Variants in PDE3A observed in about 807,000 individuals in gnomAD.
PDE3A encodes phosphodiesterase 3A, also known as cGMP-inhibited 3',5'-cyclic phosphodiesterase 3A.
In PDE3A, 43 loss-of-function variants were observed where a neutral mutation model predicts 98.3. That is an observed-to-expected ratio of 0.44 (90% CI 0.34 to 0.56). The LOEUF (loss-of-function observed/expected upper bound fraction) is 0.56, where lower values mean the gene tolerates loss of function less well. Ranked by LOEUF, PDE3A falls within the 20% of genes least tolerant of loss-of-function variation. PDE3A has a pLI of 0.01. For synonymous variants in PDE3A, 663 were observed against 567.9 expected, an observed-to-expected ratio of 1.17 and a Z score of -2.38; for missense variants, 1,427 against 1,440.7, an observed-to-expected ratio of 0.99 and a Z score of 0.15.
chr12:20,386,016 AAAAT>A (rs1943757848), intron 1 of PDE3A, among the ~76,000 whole-genome samples: 1 of 86,214 alleles, frequency 1.2e-5, no homozygotes, highest in African/African-American at 4.6e-5. Context: ...AAATATATAT[AAAAT>A]ATATATATAA....
intron 1 of PDE3A, among the ~76,000 whole-genome samples, chr12:20,420,459 A>G (rs1944493703): frequency 6.6e-6 from 1 of 152,158 alleles, no homozygotes; most frequent in Non-Finnish European, 1.5e-5. Context: ...CCCTGGAATA[A>G]GCTAGCATCC....
At chr12:20,653,850 C>A in intron 14 of PDE3A, 97 bp from the exon 15 acceptor site, 1 of 1,258,898 alleles carries the variant, frequency 7.9e-7, no homozygotes, top group Non-Finnish European at 1.1e-6. Flanking sequence ...CTTTAGCTGT[C>A]AAGTAAAGAA....
chr12:20,682,580 A>G lies in PDE3A; in HGVS notation c.*2309A>G, dbSNP rs901814891. ...AAAATATATTTCAGTATATTTCTGA[A>G]TTAACACCAGGTCTTCATTATTTAG... On this transcript the variant is annotated 3_prime_UTR_variant, in exon 16 of 16. Transcript: ENST00000359062. The G allele has an allele frequency of 5.3e-5, 8 of 152,192 alleles. No individual in the cohort carries two copies. Among genetic ancestry groups the G allele is most frequent in the African/African-American group, 1.9e-4 (8 of 41,438 alleles). The allele number at this position is 152,192 out of a possible 1,614,324, so 9.4% of individuals were successfully genotyped here.
At chr12:20,483,478 G>A (rs992884767) in intron 1 of PDE3A, among the ~76,000 whole-genome samples, 8 of 152,224 alleles carry the variant, frequency 5.3e-5, no homozygotes, top group East Asian at 3.9e-4. Context: ...AAAAAATCAC[G>A]CTCATTCATG....
chr12:20,489,849 C>T (rs1945799629), intron 1 of PDE3A, among the ~76,000 whole-genome samples: 1 of 152,062 alleles, frequency 6.6e-6, no homozygotes, highest in Admixed American at 6.6e-5. Flanking sequence ...CTGAATTTTT[C>T]CCACATGTTT....
At chr12:20,508,831 T>A (rs957352950) in intron 1 of PDE3A, among the ~76,000 whole-genome samples, 10 of 151,232 alleles carry the variant, frequency 6.6e-5, no homozygotes, top group Non-Finnish European at 1.3e-4. Context: ...AAAATCTGGG[T>A]TTCTGGGTTT....
intron 1 of PDE3A, among the ~76,000 whole-genome samples, chr12:20,425,479 G>T (rs989335906): frequency 6.6e-6 from 1 of 152,058 alleles, no homozygotes; most frequent in Non-Finnish European, 1.5e-5. Context: ...ATTTATGTAT[G>T]CATTTTTGTA....
intron 2 of PDE3A, among the ~76,000 whole-genome samples, chr12:20,599,024 A>C (rs191346316): frequency 6.6e-6 from 1 of 152,268 alleles, no homozygotes; most frequent in East Asian, 1.9e-4. Context: ...ATAGAATTAG[A>C]AATCTTTGTC....
intron 15 of PDE3A, among the ~76,000 whole-genome samples, chr12:20,675,938 CTA>C (rs1945626383): frequency 6.6e-6 from 1 of 152,172 alleles, no homozygotes; most frequent in Non-Finnish European, 1.5e-5. Flanking sequence ...TTCACCCATT[CTA>C]TGTCTTGTGA....
chr12:20,604,734 G>GTAAT (rs536453263), intron 2 of PDE3A, among the ~76,000 whole-genome samples: 92 of 152,226 alleles, frequency 6.0e-4, no homozygotes, highest in African/African-American at 2.2e-3. Context: ...TATAATTCTA[G>GTAAT]TAATATATTT....
At chr12:20,488,490 G>A (rs559957954) in intron 1 of PDE3A, among the ~76,000 whole-genome samples, 2 of 152,106 alleles carry the variant, frequency 1.3e-5, no homozygotes, top group African/African-American at 4.8e-5. Flanking sequence ...CTCTCTTTAA[G>A]TGAACAAGCT....
In PDE3A at chr12:20,682,263, C is replaced by G. The variant is rs1945807477; in HGVS notation, c.*1992C>G. 6.6e-6 allele frequency: 1 copy of G among 152,118 alleles called. No homozygotes were observed. The highest frequency in any genetic ancestry group is 2.4e-5 in the African/African-American group (1 of 41,436). 9.4% of individuals were successfully genotyped at this position (152,118 alleles called of 1,614,324 possible). On this transcript the variant is annotated 3_prime_UTR_variant, in exon 16 of 16. Coordinates refer to ENST00000359062, the MANE Select transcript of PDE3A (RefSeq NM_000921.5). ...CTTCCTTGAGTACTTATATACAGAC[C>G]TGCTCATTATCTAAACAATCTTACC...
chr12:20,628,427 C>T (rs576324277), intron 5 of PDE3A, among the ~76,000 whole-genome samples: 6 of 152,252 alleles, frequency 3.9e-5, no homozygotes, highest in African/African-American at 1.4e-4. Flanking sequence ...AATGCAAACG[C>T]TGCCTAATAC....
intron 2 of PDE3A, among the ~76,000 whole-genome samples, chr12:20,593,066 T>A (rs1348926938): frequency 6.6e-6 from 1 of 152,162 alleles, no homozygotes; most frequent in Non-Finnish European, 1.5e-5. Context: ...TCATAATAGA[T>A]GTTGAACAAA....
intron 2 of PDE3A, among the ~76,000 whole-genome samples, chr12:20,583,778 A>G (rs1328085566): frequency 6.6e-6 from 1 of 152,186 alleles, no homozygotes; most frequent in Non-Finnish European, 1.5e-5. Context: ...TCATTGATCA[A>G]TGAAAATTGT....
At chr12:20,548,782 T>C (rs1436735082) in intron 1 of PDE3A, among the ~76,000 whole-genome samples, 1 of 152,186 alleles carries the variant, frequency 6.6e-6, no homozygotes, top group Non-Finnish European at 1.5e-5. Context: ...TTTTATCTGC[T>C]ACTATGATAA....
chr12:20,622,135 A>T (rs1944151816), intron 5 of PDE3A, among the ~76,000 whole-genome samples: 1 of 152,082 alleles, frequency 6.6e-6, no homozygotes, highest in Admixed American at 6.6e-5. Flanking sequence ...AGTTCATCAA[A>T]TGGTTAAAAG....
At chr12:20,651,268 C>T (rs1944909214) in intron 14 of PDE3A, among the ~76,000 whole-genome samples, 1 of 152,116 alleles carries the variant, frequency 6.6e-6, no homozygotes, top group Non-Finnish European at 1.5e-5. Context: ...CATCAGAATG[C>T]ACTTGAACCT....
At chr12:20,665,959 C>CT (rs35859257) in intron 15 of PDE3A, among the ~76,000 whole-genome samples, 1,767 of 94,934 alleles carry the variant, frequency 0.019, 45 homozygotes, top group Non-Finnish European at 0.023. Flanking sequence ...TTTGTCATTT[C>CT]TTTTTTTTTT....
Sources: gnomAD v4.1 joint callset for allele counts (sites outside exome capture counted in the v4.1 genomes callset) on GRCh38, gnomAD v4.1.1 for gene constraint, MANE v1.5 for transcripts, NCBI Gene and HGNC (gene_info 2026-07-23, HGNC 2026-07-21) for gene names.